BLOC1S3: variants seen among roughly 807,000 people sequenced by gnomAD.
BLOC1S3 encodes the protein biogenesis of lysosomal organelles complex 1 subunit 3.
BLOC1S3 carries 7 observed loss-of-function variants against 9.1 expected under a neutral mutation model. The ratio of observed to expected loss-of-function variants is 0.77; its 90% CI spans 0.44 to 1.45. The LOEUF (loss-of-function observed/expected upper bound fraction) is 1.45, where lower values mean the gene tolerates loss of function less well. BLOC1S3 is among the 40% of genes most tolerant of loss of function. BLOC1S3 has a pLI of 0.01. For missense variants in BLOC1S3, 307 were observed against 315.2 expected, an observed-to-expected ratio of 0.97 and a Z score of 0.20; for synonymous variants, 145 against 158.4, an observed-to-expected ratio of 0.92 and a Z score of 0.64.
At position 45,188,660 on chromosome 19, in the gene BLOC1S3, A is replaced by G. The variant is rs1214533552; in HGVS notation, n.180+920A>G. Among the ~76,000 whole-genome samples the G allele has an allele frequency of 8.3e-5, 12 of 144,612 alleles. 1 individual carries two copies. Among genetic ancestry groups the G allele is most frequent in the Admixed American group, 8.3e-4 (12 of 14,484 alleles). The allele number at this position is 144,612 out of a possible 152,430, so 94.9% of individuals were successfully genotyped here. ...CATTCTTGGCTCATTGCAACCTGTG[A>G]CTCCCTTGTTCAAGCAATTCTCCTG... On this transcript the variant is annotated intron_variant and non_coding_transcript_variant, in intron 2 of 3. Coordinates refer to the BLOC1S3 transcript ENST00000591569.
intron 3 of BLOC1S3, among the ~76,000 whole-genome samples, chr19:45,204,349 C>T (rs1353846829): frequency 6.6e-6 from 1 of 151,814 alleles, no homozygotes; most frequent in African/African-American, 2.4e-5. Flanking sequence ...ACCACCATGC[C>T]CCAGCTAATT....
chr19:45,215,132 C>G (rs1969819690), intron 3 of BLOC1S3, among the ~76,000 whole-genome samples: 1 of 152,040 alleles, frequency 6.6e-6, no homozygotes. Context: ...CAAAGTGAGA[C>G]TCTGTCTCAA....
chr19:45,205,150 T>G (rs595290), intron 3 of BLOC1S3, among the ~76,000 whole-genome samples: 1 of 151,924 alleles, frequency 6.6e-6, no homozygotes, highest in Admixed American at 6.6e-5. Context: ...CCCAACTCTA[T>G]GCTGCCCACA....
At chr19:45,207,898 C>T (rs893580860) in intron 3 of BLOC1S3, among the ~76,000 whole-genome samples, 6 of 151,848 alleles carry the variant, frequency 4.0e-5, no homozygotes, top group African/African-American at 1.5e-4. Context: ...TGTCAATGTC[C>T]TGTTTTGATG....
intron 3 of BLOC1S3, among the ~76,000 whole-genome samples, chr19:45,208,320 TA>T (rs1314894818): frequency 1.3e-5 from 2 of 151,832 alleles, no homozygotes; most frequent in Non-Finnish European, 1.5e-5. Context: ...GAAATAAAAA[TA>T]ATCAGTCAGG....
At chr19:45,211,268 G>A (rs1180171257) in intron 3 of BLOC1S3, among the ~76,000 whole-genome samples, 1 of 152,076 alleles carries the variant, frequency 6.6e-6, no homozygotes, top group Non-Finnish European at 1.5e-5. Flanking sequence ...AGGCTGAGGC[G>A]GGTAGATCAC....
At chr19:45,205,368 T>C (rs147316487) in intron 3 of BLOC1S3, among the ~76,000 whole-genome samples, 432 of 152,314 alleles carry the variant, frequency 2.8e-3, no homozygotes, top group Middle Eastern at 6.8e-3. Flanking sequence ...GGTTTCACTA[T>C]GTTGGCCAGG....
intron 2 of BLOC1S3, among the ~76,000 whole-genome samples, chr19:45,198,420 T>C (rs1467757884): frequency 6.6e-6 from 1 of 151,970 alleles, no homozygotes; most frequent in Non-Finnish European, 1.5e-5. Context: ...GCCTCCCAAG[T>C]AGCTGGGATT....
rs371153611 is a variant in BLOC1S3, at chr19:45,213,153, G to C, written n.283-3523G>C. ...AACTGGGCCTGGCCAGCCGGGAGAG[G>C]GGGAGGCGGCCCAGGAAGAGAGGGA... On this transcript the variant is annotated intron_variant and non_coding_transcript_variant, in intron 3 of 3. Transcript: ENST00000591569. 2.1e-5 allele frequency: 33 copies of C among 1,590,944 alleles called. 1 individual carries two copies. The African/African-American group carries it at 2.4e-4, about 12-fold the overall frequency.
At chr19:45,216,044 C>T (rs112530898) in intron 3 of BLOC1S3, 16 of 1,610,306 alleles carry the variant, frequency 9.9e-6, no homozygotes, top group Admixed American at 3.3e-5. Flanking sequence ...CCAGGCACGG[C>T]GAGCCCTGGC....
intron 2 of BLOC1S3, among the ~76,000 whole-genome samples, chr19:45,197,027 T>C (rs540671245): frequency 6.6e-6 from 1 of 151,718 alleles, no homozygotes; most frequent in South Asian, 2.1e-4. Context: ...GCCCACGGGG[T>C]TTCCTGGGCA....
Position 45,179,652 on chromosome 19 carries a change from G to T in BLOC1S3, c.356G>T (p.Arg119Leu). Residue 119 changes from arginine (R) to leucine (L), a missense_variant, in exon 2 of 2, where the codon CGG (arginine) becomes CTG (leucine). Transcript: ENST00000433642. The surrounding 1 kb of genome is among the most constrained non-coding windows in gnomAD (Gnocchi z 4.6). ...CTTCGGCTGGCGGAGAGCCAGGCGC[G>T]GCTGGACCACGACGTGGCGGCCGCC... ...LQLRLAESQA[R>L]LDHDVAAAVS... The T allele has an allele frequency of 6.8e-7, 1 of 1,470,500 alleles. No individual in the cohort carries two copies. Among genetic ancestry groups the T allele is most frequent in the Non-Finnish European group, 9.0e-7 (1 of 1,117,170 alleles). The allele number at this position is 1,470,500 out of a possible 1,614,324, so 91.1% of individuals were successfully genotyped here. A position where few individuals can be genotyped will look rare whatever the true frequency, so the allele number is the denominator to read the frequency against.
chr19:45,184,436 T>C (rs1187670008), downstream of BLOC1S3, among the ~76,000 whole-genome samples: 1 of 151,908 alleles, frequency 6.6e-6, no homozygotes, highest in South Asian at 2.1e-4. Flanking sequence ...CGAGACCCCA[T>C]CTCTACAAAA....
At chr19:45,205,310 T>G (rs1328780926) in intron 3 of BLOC1S3, among the ~76,000 whole-genome samples, 1 of 151,878 alleles carries the variant, frequency 6.6e-6, no homozygotes, top group Non-Finnish European at 1.5e-5. Context: ...GGATTACAGG[T>G]GCCCACCACC....
At chr19:45,189,425 T>G (rs1032086672) in intron 2 of BLOC1S3, among the ~76,000 whole-genome samples, 1 of 115,138 alleles carries the variant, frequency 8.7e-6, no homozygotes, top group Admixed American at 9.0e-5. Context: ...TGAGGTAGTC[T>G]TCTTTTTTTT....
chr19:45,188,374 C>T (rs1969581265), intron 2 of BLOC1S3, among the ~76,000 whole-genome samples: 1 of 151,718 alleles, frequency 6.6e-6, no homozygotes, highest in Admixed American at 6.6e-5. Context: ...TAGTCTCTGC[C>T]ATGTTGACCA....
At chr19:45,183,373 G>T (rs1969541134), downstream of BLOC1S3, among the ~76,000 whole-genome samples, 1 of 151,544 alleles carries the variant, frequency 6.6e-6, no homozygotes, top group Non-Finnish European at 1.5e-5. Flanking sequence ...CTACTCAGGA[G>T]GCTGAGGCAG....
chr19:45,216,377 G>C (rs1367383755), intron 3 of BLOC1S3, among the ~76,000 whole-genome samples: 1 of 152,038 alleles, frequency 6.6e-6, no homozygotes, highest in Non-Finnish European at 1.5e-5. Context: ...TCAGGACATC[G>C]AGACCAACCT....
At chr19:45,204,957 C>T (rs1290508944) in intron 3 of BLOC1S3, among the ~76,000 whole-genome samples, 1 of 152,072 alleles carries the variant, frequency 6.6e-6, no homozygotes, top group Non-Finnish European at 1.5e-5. Context: ...TGGTCTCAAA[C>T]TCCTGACCTC....
Sources: gnomAD v4.1 joint callset for allele counts (sites outside exome capture counted in the v4.1 genomes callset) on GRCh38, gnomAD v4.1.1 for gene constraint, Gnocchi (gnomAD v3.1) non-coding constraint, MANE v1.5 for transcripts, NCBI Gene and HGNC (gene_info 2026-07-23, HGNC 2026-07-21) for gene names.